The following DENND5B variants were observed in gnomAD, a reference collection of about 807,000 sequenced individuals.
DENND5B encodes DENN domain containing 5B.
DENND5B carries 34 observed loss-of-function variants against 140.6 expected under a neutral mutation model. The observed-to-expected ratio is 0.24, with a 90% confidence interval of 0.18 to 0.32. The LOEUF (loss-of-function observed/expected upper bound fraction) is 0.32. Ranked by LOEUF, DENND5B falls within the 10% of genes least tolerant of loss-of-function variation. DENND5B has a pLI of 1.00. For synonymous variants in DENND5B, 551 were observed against 562.1 expected (o/e 0.98, Z 0.28); for missense variants, 1,142 against 1,560.2 (o/e 0.73, Z 4.52).
intron 1 of DENND5B, chr12:31,541,030 C>T (rs970532153): frequency 2.4e-6 from 1 of 418,316 alleles, no homozygotes; most frequent in South Asian, 1.6e-5. Context: ...GACCCCGTAT[C>T]TCTTACCATA....
chr12:31,416,438 A>AT (rs1218111732), intron 11 of DENND5B, among the ~76,000 whole-genome samples: 4 of 151,458 alleles, frequency 2.6e-5, no homozygotes, highest in Non-Finnish European at 1.5e-5. Context: ...TAATTTTTGT[A>AT]TTTTTTAGTA....
chr12:31,545,138 T>C (rs546219337), intron 1 of DENND5B, among the ~76,000 whole-genome samples: 1 of 152,322 alleles, frequency 6.6e-6, no homozygotes, highest in South Asian at 2.1e-4. Flanking sequence ...GATTTTATCC[T>C]GTGAAAAAGA....
At chr12:31,484,714 T>C (rs534059185) in intron 2 of DENND5B, among the ~76,000 whole-genome samples, 120 of 152,116 alleles carry the variant, frequency 7.9e-4, no homozygotes, top group African/African-American at 2.4e-3. Context: ...GGCAGGAGAA[T>C]TGCTTGAACC....
At chr12:31,407,045 C>T (rs1164802323) in intron 14 of DENND5B, among the ~76,000 whole-genome samples, 4 of 152,120 alleles carry the variant, frequency 2.6e-5, no homozygotes, top group African/African-American at 9.7e-5. Flanking sequence ...TGTGATCCAC[C>T]CGCCTTGGCC....
intron 15 of DENND5B, 78 bp from the exon 16 acceptor site, chr12:31,399,850 C>T (rs990125854): frequency 6.0e-5 from 65 of 1,089,200 alleles, no homozygotes; most frequent in Non-Finnish European, 4.0e-5. Context: ...ACTTTGGTTC[C>T]GTCTAATTTA....
rs140047087 is a variant in DENND5B, at chr12:31,529,346, G to C, written c.128-33427C>G. 4.1e-3 allele frequency among the ~76,000 whole-genome samples: 629 copies of C among 152,182 alleles called. 5 individuals are homozygous for C. Among genetic ancestry groups the C allele is most frequent in the African/African-American group, 0.014 (574 of 41,522 alleles). ...GACCCAGCAGTTCTCTAAGAAAACT[G>C]CATCCAAAGGAGTCCACAGCACTCA... On this transcript the variant is annotated intron_variant, in intron 1 of 20. Coordinates refer to ENST00000389082, the MANE Select transcript of DENND5B (RefSeq NM_144973.4).
intron 1 of DENND5B, among the ~76,000 whole-genome samples, chr12:31,502,092 G>A (rs1418009497): frequency 6.6e-6 from 1 of 152,010 alleles, no homozygotes; most frequent in Non-Finnish European, 1.5e-5. Flanking sequence ...GGAGGTGGGC[G>A]GATCACGAGG....
intron 1 of DENND5B, among the ~76,000 whole-genome samples, chr12:31,573,289 G>A (rs1949887185): frequency 6.6e-6 from 1 of 152,110 alleles, no homozygotes; most frequent in Non-Finnish European, 1.5e-5. Context: ...AAAAATGTAA[G>A]AAGTTACCTC....
intron 1 of DENND5B, among the ~76,000 whole-genome samples, chr12:31,583,652 C>G (rs1336852458): frequency 6.6e-6 from 1 of 151,568 alleles, no homozygotes; most frequent in African/African-American, 2.4e-5. Flanking sequence ...CACTCCAGCC[C>G]GGGCAACAGA....
intron 1 of DENND5B, among the ~76,000 whole-genome samples, chr12:31,549,810 G>C (rs1041400044): frequency 2.0e-5 from 3 of 152,134 alleles, no homozygotes; most frequent in Admixed American, 2.0e-4. Flanking sequence ...TTGGTTTTCT[G>C]CTCCTGTGTT....
intron 7 of DENND5B, 130 bp downstream of exon 7, chr12:31,442,645 G>A (rs1944087501): frequency 4.8e-6 from 4 of 838,076 alleles, no homozygotes; most frequent in Non-Finnish European, 5.1e-6. Context: ...TATTTCAAAT[G>A]CATTAATGTG....
chr12:31,507,611 A>C (rs962273010), intron 1 of DENND5B, among the ~76,000 whole-genome samples: 2 of 152,232 alleles, frequency 1.3e-5, no homozygotes, highest in Non-Finnish European at 2.9e-5. Flanking sequence ...ACTAATAATA[A>C]AATTTGAAGT....
At chr12:31,402,280 T>G (rs543248478) in intron 15 of DENND5B, among the ~76,000 whole-genome samples, 1 of 152,150 alleles carries the variant, frequency 6.6e-6, no homozygotes, top group Admixed American at 6.6e-5. Flanking sequence ...AAGCACATCA[T>G]TACAAGTGAA....
At chr12:31,547,113 T>C (rs550725787) in intron 1 of DENND5B, among the ~76,000 whole-genome samples, 2 of 152,328 alleles carry the variant, frequency 1.3e-5, no homozygotes, top group East Asian at 3.9e-4. Context: ...AAGTTAACAC[T>C]GAGGAACCTG....
intron 17 of DENND5B, 83 bp downstream of exon 17, chr12:31,398,088 ACATT>A: frequency 8.0e-7 from 1 of 1,248,346 alleles, no homozygotes; most frequent in Non-Finnish European, 1.1e-6. Flanking sequence ...TCTCCTCACT[ACATT>A]CATTAACACA....
chr12:31,407,284 C>G (rs1313369305), intron 14 of DENND5B, among the ~76,000 whole-genome samples: 1 of 152,064 alleles, frequency 6.6e-6, no homozygotes, highest in Non-Finnish European at 1.5e-5. Context: ...GCGCCCACCA[C>G]CACACCCAGC....
At position 31,583,330 on chromosome 12, in the gene DENND5B, T is replaced by C. The variant is rs1410289341; in HGVS notation, c.127+7376A>G. Among the ~76,000 whole-genome samples the C allele has an allele frequency of 2.1e-5, 3 of 144,642 alleles. No individual in the cohort carries two copies. The East Asian group carries it at 6.3e-4, about 31-fold the overall frequency. The allele number at this position is 144,642 out of a possible 152,430, so 94.9% of individuals were successfully genotyped here. On this transcript the variant is annotated intron_variant, in intron 1 of 20. Coordinates refer to ENST00000389082, the MANE Select transcript of DENND5B (RefSeq NM_144973.4). ...AAAAAGAGAGAGAGAGAGAAAAGAA[T>C]GCCTATTTCCTAAGGTTGTTGTCCA...
At chr12:31,425,294 G>A (rs987691372) in intron 9 of DENND5B, among the ~76,000 whole-genome samples, 1 of 152,146 alleles carries the variant, frequency 6.6e-6, no homozygotes, top group Non-Finnish European at 1.5e-5. Flanking sequence ...AGCCCGCTGC[G>A]TGATAGAGCG....
At chr12:31,522,699 C>A (rs61097018) in intron 1 of DENND5B, among the ~76,000 whole-genome samples, 64,155 of 151,974 alleles carry the variant, frequency 0.42, 13,951 homozygotes, top group Admixed American at 0.57. Context: ...CCTGCCCTGG[C>A]CTCACCCTGG....
Sources: allele counts gnomAD v4.1 joint callset (sites outside exome capture counted in the v4.1 genomes callset), GRCh38; gene constraint gnomAD v4.1.1; transcripts MANE v1.5; gene names NCBI Gene and HGNC (gene_info 2026-07-23, HGNC 2026-07-21).